DLG2: variants seen among roughly 807,000 people sequenced by gnomAD.
The protein encoded by DLG2 is discs large MAGUK scaffold protein 2.
DLG2 carries 45 observed loss-of-function variants against 132.5 expected under a neutral mutation model. That is an observed-to-expected ratio of 0.34 (90% CI 0.27 to 0.44). The LOEUF is 0.44. Among genes scored for constraint, DLG2 ranks in the 20% least tolerant of loss-of-function variants. The probability of loss-of-function intolerance (pLI) is 1.00; values close to 1 mark genes in which losing one functional copy is unlikely to be tolerated. For missense variants in DLG2, 1,045 were observed against 1,196.9 expected, an observed-to-expected ratio of 0.87 and a Z score of 1.87; for synonymous variants, 424 against 419.6, an observed-to-expected ratio of 1.01 and a Z score of -0.13.
intron 6 of DLG2, among the ~76,000 whole-genome samples, chr11:84,872,787 A>C (rs2085681370): frequency 6.6e-6 from 1 of 152,212 alleles, no homozygotes; most frequent in Admixed American, 6.5e-5. Context: ...AGAGATTGTA[A>C]TTTAAGTTAA....
chr11:85,020,842 C>A, intron 6 of DLG2: 1 of 749,388 alleles, frequency 1.3e-6, no homozygotes, highest in Non-Finnish European at 2.5e-6. Context: ...CTGGCCATCC[C>A]CCAATCTTCA....
chr11:85,027,524 G>C (rs537872188), intron 6 of DLG2, among the ~76,000 whole-genome samples: 1 of 152,094 alleles, frequency 6.6e-6, no homozygotes, highest in Admixed American at 6.5e-5. Context: ...TACTGGCCTC[G>C]ATCTCACACC....
At chr11:83,558,297 AC>A (rs1478812196) in intron 19 of DLG2, among the ~76,000 whole-genome samples, 1 of 152,090 alleles carries the variant, frequency 6.6e-6, no homozygotes, top group Admixed American at 6.6e-5. Flanking sequence ...TTTTGATAAA[AC>A]TGTCAGAAAT....
At chr11:83,651,058 T>A (rs2070169567) in intron 18 of DLG2, among the ~76,000 whole-genome samples, 1 of 152,198 alleles carries the variant, frequency 6.6e-6, no homozygotes, top group Non-Finnish European at 1.5e-5. Flanking sequence ...TTATGACATA[T>A]CTTTTATGTT....
chr11:84,129,724 AC>A (rs1324721213), intron 9 of DLG2, among the ~76,000 whole-genome samples: 1 of 151,836 alleles, frequency 6.6e-6, no homozygotes, highest in Non-Finnish European at 1.5e-5. Context: ...AGTAACCTTA[AC>A]CTAAGGTTTA....
intron 8 of DLG2, among the ~76,000 whole-genome samples, chr11:84,200,698 T>C (rs898667201): frequency 3.3e-5 from 5 of 152,178 alleles, no homozygotes; most frequent in South Asian, 4.1e-4. Context: ...TATTTTATTC[T>C]TTTTGTAGCA....
At chr11:84,200,554 G>C (rs974637949) in intron 8 of DLG2, among the ~76,000 whole-genome samples, 1 of 152,082 alleles carries the variant, frequency 6.6e-6, no homozygotes, top group East Asian at 1.9e-4. Context: ...CCATTTTCAC[G>C]ATATTGATTC....
chr11:85,426,767 G>A (rs1471428800), intron 3 of DLG2, among the ~76,000 whole-genome samples: 1 of 152,214 alleles, frequency 6.6e-6, no homozygotes, highest in African/African-American at 2.4e-5. Flanking sequence ...ATGGAACAAA[G>A]CTGAATGGAG....
At chr11:84,959,329 A>T (rs534704858) in intron 6 of DLG2, among the ~76,000 whole-genome samples, 10 of 152,324 alleles carry the variant, frequency 6.6e-5, no homozygotes, top group East Asian at 3.9e-4. Flanking sequence ...TATAATAATT[A>T]CTTAATGCTC....
intron 22 of DLG2, among the ~76,000 whole-genome samples, chr11:83,483,724 T>TATC (rs745674153): frequency 6.6e-6 from 1 of 152,170 alleles, no homozygotes; most frequent in African/African-American, 2.4e-5. Flanking sequence ...TGTGCTAGTT[T>TATC]ATCTTTAAAT....
intron 18 of DLG2, among the ~76,000 whole-genome samples, chr11:83,732,192 G>C (rs1449721183): frequency 6.6e-6 from 1 of 152,126 alleles, no homozygotes; most frequent in South Asian, 2.1e-4. Flanking sequence ...CAGAAAGCAC[G>C]TATAGGAAGC....
intron 5 of DLG2, among the ~76,000 whole-genome samples, chr11:85,120,430 C>G (rs762967638): frequency 6.6e-6 from 1 of 151,876 alleles, no homozygotes; most frequent in Non-Finnish European, 1.5e-5. Flanking sequence ...ATCTAGAAAT[C>G]CTAAGAGATT....
chr11:84,909,470 T>C (rs1439970351), intron 6 of DLG2, among the ~76,000 whole-genome samples: 2 of 152,154 alleles, frequency 1.3e-5, no homozygotes, highest in Non-Finnish European at 2.9e-5. Context: ...GTCTGTTTAG[T>C]GGGGGCAGTA....
intron 6 of DLG2, among the ~76,000 whole-genome samples, chr11:84,876,623 C>G (rs1566236514): frequency 2.0e-5 from 3 of 151,914 alleles, no homozygotes; most frequent in African/African-American, 7.3e-5. Flanking sequence ...TTAATCTTTT[C>G]AAAAAAACAG....
chr11:84,490,205 T>A (rs2099161221), intron 7 of DLG2, among the ~76,000 whole-genome samples: 1 of 152,136 alleles, frequency 6.6e-6, no homozygotes, highest in Admixed American at 6.6e-5. Context: ...ATAGCAGCTA[T>A]CTTACAGCAC....
At chr11:83,625,462 G>A (rs1241612777) in intron 19 of DLG2, among the ~76,000 whole-genome samples, 1 of 152,178 alleles carries the variant, frequency 6.6e-6, no homozygotes, top group Non-Finnish European at 1.5e-5. Flanking sequence ...AATGACCAGA[G>A]TGTCTTACCT....
chr11:85,184,328 T>C (rs2079936622), intron 4 of DLG2, among the ~76,000 whole-genome samples: 1 of 151,862 alleles, frequency 6.6e-6, no homozygotes, highest in African/African-American at 2.4e-5. Flanking sequence ...AGGGGATTTT[T>C]TTTTATAAAA....
At chr11:83,606,616 C>G (rs1299252159) in intron 19 of DLG2, among the ~76,000 whole-genome samples, 1 of 146,910 alleles carries the variant, frequency 6.8e-6, no homozygotes, top group African/African-American at 2.6e-5. Context: ...TACTTGAAAA[C>G]ATACGTTAGT....
At chr11:84,183,181 A>G (rs1015126489) in intron 8 of DLG2, among the ~76,000 whole-genome samples, 2 of 152,372 alleles carry the variant, frequency 1.3e-5, no homozygotes, top group Non-Finnish European at 2.9e-5. Flanking sequence ...AATTACACCA[A>G]TTATCTACAA....
Sources: allele counts gnomAD v4.1 joint callset (sites outside exome capture counted in the v4.1 genomes callset), GRCh38; gene constraint gnomAD v4.1.1; transcripts MANE v1.5; gene names NCBI Gene and HGNC (gene_info 2026-07-23, HGNC 2026-07-21).